MECOM: variants seen among roughly 807,000 people sequenced by gnomAD.
MECOM encodes histone-lysine N-methyltransferase MECOM.
MECOM carries 13 observed loss-of-function variants against 116.3 expected under a neutral mutation model. The observed-to-expected ratio is 0.11, with a 90% CI of 0.07 to 0.18. The LOEUF is 0.18. Ranked by LOEUF, MECOM falls within the 10% of genes least tolerant of loss-of-function variation. MECOM has a pLI of 1.00. For missense variants in MECOM, 1,299 were observed against 1,509.0 expected (o/e 0.86, Z 2.31); for synonymous variants, 528 against 535.2 (o/e 0.99, Z 0.19).
intron 2 of MECOM, among the ~76,000 whole-genome samples, chr3:169,288,042 T>G (rs1333350371): frequency 6.6e-6 from 1 of 152,212 alleles, no homozygotes; most frequent in South Asian, 2.1e-4. Context: ...AATATATTTA[T>G]TCATCAGCAG....
At chr3:169,596,541 G>T (rs965289251) in intron 1 of MECOM, among the ~76,000 whole-genome samples, 8 of 152,030 alleles carry the variant, frequency 5.3e-5, no homozygotes, top group African/African-American at 1.9e-4. Context: ...TCTATTTTGC[G>T]TACAAGTGAT....
intron 5 of MECOM, among the ~76,000 whole-genome samples, chr3:169,125,748 C>CT (rs1343002363): frequency 6.6e-6 from 1 of 152,112 alleles, no homozygotes; most frequent in African/African-American, 2.4e-5. Context: ...TTATCTCAAT[C>CT]TATAGAGCCT....
rs1221768454 is a variant in MECOM, at chr3:169,116,351, A to T, written c.1521T>A (p.Pro507=). 4.3e-6 allele frequency: 7 copies of T among 1,614,094 alleles called. No individual in the cohort carries two copies. The Admixed American group carries it at 1.2e-4, about 27-fold the overall frequency. Residue 507 remains proline, a synonymous_variant, in exon 8 of 17, where the codon CCT becomes CCA. Transcript: ENST00000651503. ...ATAGTCCTTTAACAGGAGAACTAGC[A>T]GGTATCAAAGGAGGCCTGTGGTACA... ...SGLYHRPPLI[P]ASSPVKGLSS...
At chr3:169,500,356 T>C (rs2108972257) in intron 1 of MECOM, among the ~76,000 whole-genome samples, 1 of 152,080 alleles carries the variant, frequency 6.6e-6, no homozygotes, top group Admixed American at 6.5e-5. Context: ...ACCATCTTTT[T>C]AAAAGTTTCA....
intron 2 of MECOM, among the ~76,000 whole-genome samples, chr3:169,290,772 C>CA (rs1287392896): frequency 1.3e-5 from 2 of 152,098 alleles, no homozygotes; most frequent in African/African-American, 4.8e-5. Flanking sequence ...TTGATAATGG[C>CA]AAAAAATCAT....
At chr3:169,093,596 G>A (rs1287086124) in intron 13 of MECOM, among the ~76,000 whole-genome samples, 4 of 152,176 alleles carry the variant, frequency 2.6e-5, no homozygotes, top group Admixed American at 6.5e-5. Context: ...TTTGCTGGGC[G>A]AAGCTGTGAG....
intron 1 of MECOM, among the ~76,000 whole-genome samples, chr3:169,609,160 A>T (rs1225886722): frequency 6.6e-6 from 1 of 152,200 alleles, no homozygotes; most frequent in Non-Finnish European, 1.5e-5. Context: ...AACCAAATGT[A>T]AAATCTTCAT....
chr3:169,102,000 A>C (rs9290358), intron 11 of MECOM, 60 bp downstream of exon 11: 2 of 1,509,642 alleles, frequency 1.3e-6, no homozygotes, highest in South Asian at 1.3e-5. Flanking sequence ...AAACAGCAAG[A>C]CCTTTTGAAA....
intron 1 of MECOM, among the ~76,000 whole-genome samples, chr3:169,415,370 G>T (rs1055468795): frequency 2.6e-5 from 4 of 152,128 alleles, no homozygotes; most frequent in Non-Finnish European, 5.9e-5. Flanking sequence ...CCTTACAAGC[G>T]CTCCTGAAGG....
chr3:169,497,623 G>C (rs1306547248), intron 1 of MECOM, among the ~76,000 whole-genome samples: 1 of 152,174 alleles, frequency 6.6e-6, no homozygotes, highest in African/African-American at 2.4e-5. Context: ...ATCCCAAAAT[G>C]CTGGGATTAC....
chr3:169,615,929 G>C (rs1560497278), intron 1 of MECOM, among the ~76,000 whole-genome samples: 1 of 152,192 alleles, frequency 6.6e-6, no homozygotes, highest in Non-Finnish European at 1.5e-5. Flanking sequence ...CAATTCCACT[G>C]TGGTGGAACA....
intron 1 of MECOM, among the ~76,000 whole-genome samples, chr3:169,531,329 G>A (rs1251114470): frequency 6.6e-6 from 1 of 152,180 alleles, no homozygotes; most frequent in African/African-American, 2.4e-5. Flanking sequence ...TGCAGAGGAA[G>A]AGAAGCCCTG....
chr3:169,084,177 A>G lies in MECOM; in HGVS notation c.*732T>C, dbSNP rs1380459457. 4.3e-6 allele frequency: 1 copy of G among 232,168 alleles called. No individual in the cohort carries two copies. Among genetic ancestry groups the G allele is most frequent in the Non-Finnish European group, 8.5e-6 (1 of 117,416 alleles). 14.4% of individuals were successfully genotyped at this position (232,168 alleles called of 1,614,324 possible). A position where few individuals can be genotyped will look rare whatever the true frequency, so the allele number is the denominator to read the frequency against. ...ATTAAAAACAGTGACATGATTGTCT[A>G]AAATTAAGATGTTATTACAAGGATT... is the stretch of plus-strand genomic sequence containing the variant. On this transcript the variant is annotated 3_prime_UTR_variant, in exon 17 of 17. Transcript: ENST00000651503.
intron 1 of MECOM, among the ~76,000 whole-genome samples, chr3:169,503,074 T>C (rs1274206814): frequency 6.6e-6 from 1 of 152,212 alleles, no homozygotes; most frequent in Non-Finnish European, 1.5e-5. Flanking sequence ...CATACGATAG[T>C]AAATTCTCAC....
intron 2 of MECOM, among the ~76,000 whole-genome samples, chr3:169,368,453 G>A (rs1298716415): frequency 1.3e-5 from 2 of 151,922 alleles, no homozygotes; most frequent in Non-Finnish European, 2.9e-5. Context: ...TCATTCAAAT[G>A]GAAGAGTGTA....
chr3:169,594,170 A>AAAAAAAAAAAAAAAAAAAAAAACC (rs1553894632), intron 1 of MECOM, among the ~76,000 whole-genome samples: 2 of 119,350 alleles, frequency 1.7e-5, no homozygotes, highest in African/African-American at 7.8e-5. Context: ...AAAAAAAAAA[A>AAAAAAAAAAAAAAAAAAAAAAACC]AAAAAACACC....
At chr3:169,233,578 G>A (rs890358259) in intron 2 of MECOM, among the ~76,000 whole-genome samples, 3 of 152,064 alleles carry the variant, frequency 2.0e-5, no homozygotes, top group African/African-American at 7.2e-5. Context: ...ACCCAGTTGT[G>A]CGCAGATAAG....
At chr3:169,137,985 A>G (rs943427286) in intron 3 of MECOM, among the ~76,000 whole-genome samples, 1 of 152,080 alleles carries the variant, frequency 6.6e-6, no homozygotes, top group East Asian at 1.9e-4. Flanking sequence ...TGACTGTATA[A>G]AAACTGATGT....
At chr3:169,352,296 A>G (rs954565829) in intron 2 of MECOM, among the ~76,000 whole-genome samples, 7 of 151,942 alleles carry the variant, frequency 4.6e-5, no homozygotes, top group African/African-American at 1.7e-4. Flanking sequence ...ATAATTTCTT[A>G]AAACCGGTCA....
Sources: allele counts gnomAD v4.1 joint callset (sites outside exome capture counted in the v4.1 genomes callset), GRCh38; gene constraint gnomAD v4.1.1; transcripts MANE v1.5; gene names NCBI Gene and HGNC (gene_info 2026-07-23, HGNC 2026-07-21).